The following DLG2 variants were observed in gnomAD, a reference collection of about 807,000 sequenced individuals.
DLG2 encodes the protein discs large MAGUK scaffold protein 2, also known as disks large homolog 2.
DLG2 carries 45 observed loss-of-function variants against 132.5 expected under a neutral mutation model. That is an observed-to-expected ratio of 0.34 (90% CI 0.27 to 0.44). The LOEUF (loss-of-function observed/expected upper bound fraction) is 0.44. Among genes scored for constraint, DLG2 ranks in the 20% least tolerant of loss-of-function variants. The pLI, the probability that DLG2 is intolerant of heterozygous loss-of-function variation, is 1.00. For synonymous variants in DLG2, 424 were observed against 419.6 expected (o/e 1.01, Z -0.13); for missense variants, 1,045 against 1,196.9 (o/e 0.87, Z 1.87).
chr11:84,024,804 T>C (rs774960353), intron 11 of DLG2, among the ~76,000 whole-genome samples: 2 of 151,382 alleles, frequency 1.3e-5, no homozygotes, highest in Non-Finnish European at 2.9e-5. Context: ...ACAGGGGGAA[T>C]ATATTTTTTC....
rs76975240 is a variant in DLG2, at chr11:84,179,437, C to A, written c.574-15926G>T. On this transcript the variant is annotated intron_variant, in intron 8 of 27. Transcript: ENST00000376104. ...CAGAGCAAAAACCAATGGGCAGATA[C>A]CTCTTTGGGAACCAGTGCCAGGGTA... Among the ~76,000 whole-genome samples, 256 of 152,216 alleles carry A rather than the reference C, an allele frequency of 1.7e-3. 2 individuals are homozygous for A. Among genetic ancestry groups the A allele is most frequent in the East Asian group, 1.2e-3 (6 of 5,180 alleles).
intron 18 of DLG2, among the ~76,000 whole-genome samples, chr11:83,710,167 T>C (rs924259933): frequency 1.3e-4 from 9 of 67,260 alleles, no homozygotes; most frequent in African/African-American, 7.3e-4. Context: ...AATAAGGTAC[T>C]TTTTTTTTTT....
intron 6 of DLG2, among the ~76,000 whole-genome samples, chr11:84,768,084 C>T (rs1309446765): frequency 1.3e-5 from 2 of 152,144 alleles, no homozygotes; most frequent in East Asian, 3.8e-4. Flanking sequence ...TCTTTTAAAT[C>T]CTACTTTATT....
At chr11:84,599,017 G>T (rs1457767086) in intron 6 of DLG2, among the ~76,000 whole-genome samples, 1 of 151,886 alleles carries the variant, frequency 6.6e-6, no homozygotes, top group Non-Finnish European at 1.5e-5. Context: ...GGCAAAGGTG[G>T]GTAGATCACC....
rs75070718 is a variant in DLG2 at position 85,475,868 on chromosome 11, A to G, written c.40+122789T>C. 2.5e-3 allele frequency among the ~76,000 whole-genome samples: 385 copies of G among 152,240 alleles called. 2 individuals carry two copies. The highest frequency in any genetic ancestry group is 4.1e-3 in the Non-Finnish European group (281 of 67,970). On this transcript the variant is annotated intron_variant, in intron 3 of 27. Coordinates refer to ENST00000376104, the MANE Select transcript of DLG2 (RefSeq NM_001142699.3). ...GATTTCAACATCCATGCTCTTAACT[A>G]CAACATATGTTCTTTCTCAAGTCCC...
chr11:84,329,548 T>A (rs2098449156), intron 7 of DLG2, among the ~76,000 whole-genome samples: 1 of 152,216 alleles, frequency 6.6e-6, no homozygotes, highest in African/African-American at 2.4e-5. Context: ...CTGCCATGAT[T>A]ATCAGTTTAC....
intron 3 of DLG2, among the ~76,000 whole-genome samples, chr11:85,337,653 C>T (rs2082221284): frequency 6.6e-6 from 1 of 152,164 alleles, no homozygotes; most frequent in South Asian, 2.1e-4. Flanking sequence ...TCCAGAATGC[C>T]TAAGTTCATC....
chr11:83,856,979 T>A (rs1007375555), intron 16 of DLG2, among the ~76,000 whole-genome samples: 10 of 152,204 alleles, frequency 6.6e-5, no homozygotes, highest in African/African-American at 2.4e-4. Context: ...AAGTGTTTAA[T>A]CCATCTTGAT....
At chr11:84,174,933 C>T (rs184228001) in intron 8 of DLG2, among the ~76,000 whole-genome samples, 1 of 152,122 alleles carries the variant, frequency 6.6e-6, no homozygotes, top group Non-Finnish European at 1.5e-5. Flanking sequence ...GAGAGCTTAG[C>T]ATTTTAATGT....
At chr11:85,439,487 G>A (rs111971346) in intron 3 of DLG2, among the ~76,000 whole-genome samples, 4,449 of 151,580 alleles carry the variant, frequency 0.029, 89 homozygotes, top group Non-Finnish European at 0.046. Context: ...AGCCTCCTAA[G>A]TAGCTGGGAC....
chr11:84,762,114 C>G (rs2067711515), intron 6 of DLG2: 1 of 152,132 alleles, frequency 6.6e-6, no homozygotes, highest in Admixed American at 6.5e-5. Context: ...TTTATAGAAA[C>G]ATCATATTTG....
At chr11:84,004,175 A>C (rs2094475349) in intron 11 of DLG2, among the ~76,000 whole-genome samples, 1 of 152,132 alleles carries the variant, frequency 6.6e-6, no homozygotes, top group Non-Finnish European at 1.5e-5. Flanking sequence ...ACACATCTTC[A>C]AAAAATCCTC....
intron 2 of DLG2, among the ~76,000 whole-genome samples, chr11:85,621,973 T>C (rs910371733): frequency 6.6e-6 from 1 of 152,210 alleles, no homozygotes; most frequent in African/African-American, 2.4e-5. Context: ...AAAGAGTCAA[T>C]TGATGTGGCA....
chr11:83,485,087 A>G (rs781641534), intron 21 of DLG2, among the ~76,000 whole-genome samples: 6 of 151,842 alleles, frequency 4.0e-5, no homozygotes, highest in Non-Finnish European at 8.8e-5. Flanking sequence ...TTATCAAAGG[A>G]AAAATGGCAG....
In DLG2 at chr11:85,110,951, C is replaced by T. The variant is rs535087478; in HGVS notation, c.357+710G>A. On this transcript the variant is annotated intron_variant, in intron 6 of 27. Transcript: ENST00000376104. ...TTACAGTACACGTAATTCCAAGAGA[C>T]ACCACTGTCATTTCTATTAGGCAAT... Among the ~76,000 whole-genome samples, 200 of 152,212 alleles carry T rather than the reference C, an allele frequency of 1.3e-3. 1 individual carries two copies. The highest frequency in any genetic ancestry group is 4.5e-3 in the African/African-American group (187 of 41,538).
intron 8 of DLG2, among the ~76,000 whole-genome samples, chr11:84,182,486 G>A (rs1487695766): frequency 2.6e-5 from 4 of 151,356 alleles, no homozygotes; most frequent in Admixed American, 2.6e-4. Flanking sequence ...CCCTGATCAT[G>A]CTACTGCACT....
chr11:85,470,351 C>T (rs970224136), intron 3 of DLG2, among the ~76,000 whole-genome samples: 4 of 151,950 alleles, frequency 2.6e-5, no homozygotes, highest in Non-Finnish European at 4.4e-5. Context: ...TTTTTATGAG[C>T]TAGGCCACAA....
intron 3 of DLG2, among the ~76,000 whole-genome samples, chr11:85,560,052 C>T (rs2077152271): frequency 6.6e-6 from 1 of 151,702 alleles, no homozygotes; most frequent in Non-Finnish European, 1.5e-5. Flanking sequence ...CACTAATTCC[C>T]TAGAATAGCT....
At chr11:85,544,300 G>T (rs1416805566) in intron 3 of DLG2, among the ~76,000 whole-genome samples, 2 of 152,142 alleles carry the variant, frequency 1.3e-5, no homozygotes, top group African/African-American at 4.8e-5. Flanking sequence ...TCAAATGGTG[G>T]TAGATGTGTG....
Sources: allele counts gnomAD v4.1 joint callset (sites outside exome capture counted in the v4.1 genomes callset), GRCh38; gene constraint gnomAD v4.1.1; transcripts MANE v1.5; gene names NCBI Gene and HGNC (gene_info 2026-07-23, HGNC 2026-07-21).